The following CACNA2D3 variants were observed in gnomAD, a reference collection of about 807,000 sequenced individuals.
The protein encoded by CACNA2D3 is calcium voltage-gated channel auxiliary subunit alpha2delta 3.
Under a neutral mutation model 160.6 loss-of-function variants are expected in CACNA2D3, and 60 were observed. That is an observed-to-expected ratio of 0.37 (90% confidence interval 0.30 to 0.46). The LOEUF (loss-of-function observed/expected upper bound fraction) is 0.46, where lower values mean the gene tolerates loss of function less well. Among genes scored for constraint, CACNA2D3 ranks in the 20% least tolerant of loss-of-function variants. CACNA2D3 has a pLI of 1.00. For synonymous variants in CACNA2D3, 558 were observed against 492.9 expected, an observed-to-expected ratio of 1.13 and a Z score of -1.75; for missense variants, 1,205 against 1,365.0, an observed-to-expected ratio of 0.88 and a Z score of 1.85.
At chr3:55,009,048 A>G (rs781730237) in intron 33 of CACNA2D3, among the ~76,000 whole-genome samples, 2 of 152,210 alleles carry the variant, frequency 1.3e-5, no homozygotes, top group Non-Finnish European at 2.9e-5. Context: ...AGAGAAGCTT[A>G]TTAGAAATTG....
At chr3:54,733,224 C>A (rs1054315174) in intron 11 of CACNA2D3, among the ~76,000 whole-genome samples, 2 of 152,196 alleles carry the variant, frequency 1.3e-5, no homozygotes, top group Non-Finnish European at 2.9e-5. Flanking sequence ...TAAACAGGCA[C>A]CTCAGCAGCT....
chr3:54,320,483 T>G lies in CACNA2D3; in HGVS notation c.246T>G (p.Ile82Met). The stretch of plus-strand genomic sequence containing the variant: ...AGAAAGACGTTGCCATAGAAGAAAT[T>G]GATGGCCTCCAACTGGTAAAGAAGC... ...EYEKDVAIEE[I>M]DGLQLVKKLA... The change falls in exon 3 of 38, where the codon ATT (isoleucine) becomes ATG (methionine). Residue 82 changes from isoleucine (I) to methionine (M), a missense_variant. Around this residue, in one of 3 missense-constraint regions of CACNA2D3, gnomAD observed 163 missense variants for 161.3 expected, o/e 1.01. Coordinates refer to ENST00000474759, the MANE Select transcript of CACNA2D3 (RefSeq NM_018398.3). The G allele has an allele frequency of 6.4e-7, 1 of 1,565,668 alleles. No homozygotes were observed. The highest frequency in any genetic ancestry group is 1.2e-5 in the South Asian group (1 of 84,570).
intron 23 of CACNA2D3, 49 bp from the exon 24 acceptor site, chr3:54,887,910 C>A: frequency 2.1e-6 from 3 of 1,450,408 alleles, no homozygotes; most frequent in Non-Finnish European, 2.9e-6. Context: ...CCTCTCATGC[C>A]CCTCTTCCAG....
chr3:54,629,822 G>A (rs1699196697), intron 10 of CACNA2D3, among the ~76,000 whole-genome samples: 1 of 152,174 alleles, frequency 6.6e-6, no homozygotes, highest in Non-Finnish European at 1.5e-5. Context: ...AGAGCAGGGG[G>A]AGACTTCTCT....
intron 29 of CACNA2D3, among the ~76,000 whole-genome samples, chr3:54,983,544 C>T (rs551771051): frequency 1.3e-5 from 2 of 152,200 alleles, no homozygotes; most frequent in Non-Finnish European, 2.9e-5. Context: ...AGGAGAAGCT[C>T]TGCTGTTCAC....
At chr3:54,538,002 T>C (rs1430032616) in intron 5 of CACNA2D3, among the ~76,000 whole-genome samples, 2 of 152,146 alleles carry the variant, frequency 1.3e-5, no homozygotes, top group Non-Finnish European at 2.9e-5. Flanking sequence ...CTTCATTCAC[T>C]AACATTTTTC....
chr3:55,053,088 A>G (rs1704266323), intron 35 of CACNA2D3, among the ~76,000 whole-genome samples: 1 of 152,072 alleles, frequency 6.6e-6, no homozygotes, highest in Non-Finnish European at 1.5e-5. Flanking sequence ...CACCACAAAC[A>G]AGTATGAGTA....
intron 5 of CACNA2D3, among the ~76,000 whole-genome samples, chr3:54,538,928 G>T (rs1701928730): frequency 6.6e-6 from 1 of 152,240 alleles, no homozygotes; most frequent in African/African-American, 2.4e-5. Flanking sequence ...TCAATAAAAT[G>T]TGGTCAAGAG....
At chr3:54,441,897 T>C (rs553472915) in intron 4 of CACNA2D3, among the ~76,000 whole-genome samples, 2 of 152,376 alleles carry the variant, frequency 1.3e-5, no homozygotes, top group Admixed American at 6.5e-5. Flanking sequence ...TCTCTACTTA[T>C]GCATTGTTTT....
At chr3:54,377,280 C>T (rs768625020) in intron 3 of CACNA2D3, among the ~76,000 whole-genome samples, 4 of 152,094 alleles carry the variant, frequency 2.6e-5, no homozygotes, top group Non-Finnish European at 4.4e-5. Flanking sequence ...TCTGAAAACC[C>T]GCCCTTAAGG....
chr3:55,019,099 CTTTCTTTCTTTT>C (rs1290847046), intron 35 of CACNA2D3, among the ~76,000 whole-genome samples: 1 of 151,204 alleles, frequency 6.6e-6, no homozygotes, highest in African/African-American at 2.4e-5. Context: ...TTCTTTCTTT[CTTTCTTTCTTTT>C]TTTAATAAGT....
At chr3:54,632,537 C>A (rs1285582698) in intron 10 of CACNA2D3, 1 of 152,320 alleles carries the variant, frequency 6.6e-6, no homozygotes, top group East Asian at 1.9e-4. Context: ...GCTGTTTTTT[C>A]TTCTGCAGTA....
chr3:54,849,206 C>A (rs1279255395), intron 17 of CACNA2D3, among the ~76,000 whole-genome samples: 2 of 152,116 alleles, frequency 1.3e-5, no homozygotes, highest in African/African-American at 4.8e-5. Context: ...GTGAGTCCTA[C>A]CATGTGAAGA....
chr3:54,465,078 T>G (rs1700596033), intron 4 of CACNA2D3, among the ~76,000 whole-genome samples: 1 of 152,068 alleles, frequency 6.6e-6, no homozygotes, highest in Non-Finnish European at 1.5e-5. Context: ...CTGCCTGGGT[T>G]ATTTCAAAAG....
At chr3:54,313,791 G>C (rs1252510494) in intron 2 of CACNA2D3, among the ~76,000 whole-genome samples, 1 of 147,178 alleles carries the variant, frequency 6.8e-6, no homozygotes, top group Non-Finnish European at 1.5e-5. Context: ...CAAGATAGGA[G>C]TCACTGCCCT....
intron 9 of CACNA2D3, among the ~76,000 whole-genome samples, chr3:54,587,228 C>A (rs981357660): frequency 6.6e-6 from 1 of 150,896 alleles, no homozygotes; most frequent in African/African-American, 2.4e-5. Flanking sequence ...TTCTTTAAAT[C>A]AGTAAAACTG....
intron 28 of CACNA2D3, 56 bp downstream of exon 28, chr3:54,968,567 C>A: frequency 7.6e-7 from 1 of 1,318,080 alleles, no homozygotes; most frequent in Non-Finnish European, 1.1e-6. Context: ...TACAGGTGTT[C>A]CCATTTGGGT....
intron 3 of CACNA2D3, among the ~76,000 whole-genome samples, chr3:54,386,471 G>T (rs1011747584): frequency 6.6e-6 from 1 of 152,160 alleles, no homozygotes; most frequent in Non-Finnish European, 1.5e-5. Context: ...TGCAGAACAC[G>T]TGTGCATTTA....
chr3:55,033,586 A>G (rs201436332), intron 35 of CACNA2D3, among the ~76,000 whole-genome samples: 9 of 40,940 alleles, frequency 2.2e-4, no homozygotes, highest in Non-Finnish European at 5.1e-4. Flanking sequence ...GTGTGTGTGT[A>G]TATATATATA....
Sources: gnomAD v4.1 joint callset for allele counts (sites outside exome capture counted in the v4.1 genomes callset) on GRCh38, gnomAD v4.1.1 for gene constraint, gnomAD v4.1.1 regional missense constraint, MANE v1.5 for transcripts, NCBI Gene and HGNC (gene_info 2026-07-23, HGNC 2026-07-21) for gene names.